The following LINGO1 variants were observed in gnomAD, a reference collection of about 807,000 sequenced individuals.
The protein encoded by LINGO1 is leucine-rich repeat and immunoglobulin-like domain-containing nogo receptor-interacting protein 1.
A neutral mutation model predicts 37.3 loss-of-function variants in LINGO1; 11 were observed. The ratio of observed to expected loss-of-function variants is 0.29; its 90% CI spans 0.19 to 0.49. The LOEUF is 0.49. Ranked by LOEUF, LINGO1 falls within the 20% of genes least tolerant of loss-of-function variation. The pLI, the probability that LINGO1 is intolerant of heterozygous loss-of-function variation, is 0.99. For synonymous variants in LINGO1, 387 were observed against 403.0 expected (o/e 0.96, Z 0.48); for missense variants, 585 against 878.2 (o/e 0.67, Z 4.22).
chr15:77,818,060 G>A (rs1039992392), intron 1 of LINGO1, among the ~76,000 whole-genome samples: 1 of 152,172 alleles, frequency 6.6e-6, no homozygotes, highest in African/African-American at 2.4e-5. Flanking sequence ...GTTCACAGGC[G>A]AGTGGCAGGA....
intron 1 of LINGO1, among the ~76,000 whole-genome samples, chr15:77,743,976 T>C (rs1378023947): frequency 2.0e-5 from 3 of 152,184 alleles, no homozygotes; most frequent in Non-Finnish European, 4.4e-5. Context: ...GAGCATCTAC[T>C]ATACGCCAGG....
intron 3 of LINGO1, among the ~76,000 whole-genome samples, chr15:77,671,894 CAG>C (rs1294597080): frequency 6.6e-6 from 1 of 152,210 alleles, no homozygotes; most frequent in Non-Finnish European, 1.5e-5. Flanking sequence ...CTGTGGGTGT[CAG>C]AGACAGGTCC....
chr15:77,664,170 T>TGCGCGTGCGTGCGC (rs2075071406), intron 3 of LINGO1, among the ~76,000 whole-genome samples: 1 of 130,946 alleles, frequency 7.6e-6, no homozygotes, highest in Non-Finnish European at 1.5e-5. Context: ...TGTGTGTGTG[T>TGCGCGTGCGTGCGC]GCGCGCGCGC....
chr15:77,706,221 C>T (rs190244329), intron 2 of LINGO1, among the ~76,000 whole-genome samples: 404 of 152,270 alleles, frequency 2.7e-3, no homozygotes, highest in African/African-American at 7.4e-3. Context: ...ACCCAGCTGC[C>T]CAAACCAGAA....
At chr15:77,789,399 G>C (rs1398389535), upstream of LINGO1, among the ~76,000 whole-genome samples, 1 of 152,114 alleles carries the variant, frequency 6.6e-6, no homozygotes, top group East Asian at 1.9e-4. Context: ...CTGCAGTCAG[G>C]AGTTCAAGAC....
At chr15:77,766,297 C>CAAA (rs71447163) in intron 1 of LINGO1, among the ~76,000 whole-genome samples, 849 of 48,440 alleles carry the variant, frequency 0.018, 38 homozygotes, top group African/African-American at 0.061. Context: ...GACCCTGTCT[C>CAAA]AAAAAAAAAA....
chr15:77,781,157 T>C (rs894478328), intron 1 of LINGO1, among the ~76,000 whole-genome samples: 6 of 152,234 alleles, frequency 3.9e-5, no homozygotes, highest in Non-Finnish European at 5.9e-5. Flanking sequence ...AGTCCCCAGA[T>C]TGATGGAACT....
chr15:77,801,229 T>A (rs532195944), intron 1 of LINGO1, among the ~76,000 whole-genome samples: 3 of 152,186 alleles, frequency 2.0e-5, no homozygotes, highest in South Asian at 2.1e-4. Context: ...CACGGAAACA[T>A]TGCTGGTAAG....
At chr15:77,749,578 T>G (rs935970288) in intron 1 of LINGO1, among the ~76,000 whole-genome samples, 6 of 152,216 alleles carry the variant, frequency 3.9e-5, no homozygotes, top group African/African-American at 1.4e-4. Flanking sequence ...AGAGCCACCA[T>G]GTGGCCCATG....
chr15:77,769,300 C>T (rs1174102114), intron 1 of LINGO1, among the ~76,000 whole-genome samples: 1 of 152,228 alleles, frequency 6.6e-6, no homozygotes, highest in Non-Finnish European at 1.5e-5. Context: ...AGGAAAACCC[C>T]ACTCGTCCCA....
chr15:77,721,052 T>C (rs1316552165), intron 2 of LINGO1, among the ~76,000 whole-genome samples: 1 of 152,050 alleles, frequency 6.6e-6, no homozygotes, highest in Non-Finnish European at 1.5e-5. Context: ...CCGCCCCTCC[T>C]GCCTCAATGC....
At chr15:77,766,312 A>AC in intron 1 of LINGO1, among the ~76,000 whole-genome samples, 1 of 151,224 alleles carries the variant, frequency 6.6e-6, no homozygotes, top group East Asian at 1.9e-4. Context: ...AAAAAAAAAA[A>AC]AAAAACACAC....
chr15:77,666,634 A>G (rs1480637127), intron 3 of LINGO1, among the ~76,000 whole-genome samples: 1 of 152,214 alleles, frequency 6.6e-6, no homozygotes, highest in African/African-American at 2.4e-5. Flanking sequence ...CCCACCACTT[A>G]ACAACCTTGT....
chr15:77,793,485 T>G (rs147773803), intron 2 of LINGO1, among the ~76,000 whole-genome samples: 231 of 152,230 alleles, frequency 1.5e-3, no homozygotes, highest in African/African-American at 5.4e-3. Context: ...GCCCTGCCAC[T>G]CCCCAGACAC....
intron 1 of LINGO1, among the ~76,000 whole-genome samples, chr15:77,761,873 T>C (rs2141384360): frequency 6.6e-6 from 1 of 152,340 alleles, no homozygotes; most frequent in South Asian, 2.1e-4. Flanking sequence ...TCTCCATCCC[T>C]GGCATATAGC....
chr15:77,780,565 C>T (rs899603767), intron 1 of LINGO1, among the ~76,000 whole-genome samples: 72 of 152,112 alleles, frequency 4.7e-4, no homozygotes, highest in African/African-American at 1.7e-3. Context: ...TGTGTGGATG[C>T]AATATCGTCA....
intron 2 of LINGO1, among the ~76,000 whole-genome samples, chr15:77,718,243 C>CATGCAGGG (rs1481569119): frequency 6.6e-6 from 1 of 150,956 alleles, no homozygotes; most frequent in African/African-American, 2.4e-5. Context: ...TATGTGTGAA[C>CATGCAGGG]ATGCAGGGAC....
At chr15:77,793,953 G>C (rs980245409) in intron 2 of LINGO1, among the ~76,000 whole-genome samples, 1 of 152,140 alleles carries the variant, frequency 6.6e-6, no homozygotes, top group Non-Finnish European at 1.5e-5. Flanking sequence ...TCAAGGCTTA[G>C]CCCAGGTGTC....
At chr15:77,635,733 C>CCCTGGTGGCGTGCCTTT (rs1567476194), upstream of LINGO1, among the ~76,000 whole-genome samples, 2 of 152,238 alleles carry the variant, frequency 1.3e-5, no homozygotes, top group African/African-American at 4.8e-5. Context: ...TCTCCCCAGA[C>CCCTGGTGGCGTGCCTTT]TGAAATGACA....
Sources: gnomAD v4.1 joint callset for allele counts (sites outside exome capture counted in the v4.1 genomes callset) on GRCh38, gnomAD v4.1.1 for gene constraint, MANE v1.5 for transcripts, NCBI Gene and HGNC (gene_info 2026-07-23, HGNC 2026-07-21) for gene names.